The following ENTREP2 variants were observed in gnomAD, a reference collection of about 807,000 sequenced individuals.
The protein encoded by ENTREP2 is protein ENTREP2.
the ENTREP2 span, among the ~76,000 whole-genome samples, chr15:29,337,233 G>A: frequency 6.6e-6 from 1 of 152,166 alleles, no homozygotes; most frequent in Non-Finnish European, 1.5e-5. Flanking sequence ...GGAAAGCATG[G>A]AGCTGAAGAG....
At chr15:29,292,619 G>A in the ENTREP2 span, among the ~76,000 whole-genome samples, 2 of 152,198 alleles carry the variant, frequency 1.3e-5, no homozygotes, top group South Asian at 4.1e-4. Context: ...GACCTCAGGT[G>A]ATCTGCCCTG....
chr15:29,124,281 A>G, the ENTREP2 span, among the ~76,000 whole-genome samples: 1 of 152,244 alleles, frequency 6.6e-6, no homozygotes, highest in South Asian at 2.1e-4. Context: ...AGGGACGCCA[A>G]CAAGGACCAG....
At chr15:29,155,906 G>A in the ENTREP2 span, among the ~76,000 whole-genome samples, 6 of 152,192 alleles carry the variant, frequency 3.9e-5, no homozygotes, top group South Asian at 2.1e-4. Flanking sequence ...TTTTGTTTGC[G>A]TTTTCTAATG....
chr15:29,552,902 G>A, the ENTREP2 span, among the ~76,000 whole-genome samples: 1 of 152,170 alleles, frequency 6.6e-6, no homozygotes. Context: ...ATCTGAACTA[G>A]ATGTGGGCAG....
the ENTREP2 span, among the ~76,000 whole-genome samples, chr15:29,553,271 G>C: frequency 6.6e-6 from 1 of 152,086 alleles, no homozygotes. Context: ...ACTCCAGCCT[G>C]GGCAACAGAG....
At chr15:29,622,291 T>C in the ENTREP2 span, among the ~76,000 whole-genome samples, 1 of 152,122 alleles carries the variant, frequency 6.6e-6, no homozygotes, top group African/African-American at 2.4e-5. Context: ...CTGCAACCTC[T>C]GCCTCCCAGG....
the ENTREP2 span, among the ~76,000 whole-genome samples, chr15:29,448,952 G>T: frequency 0.5 from 76,164 of 152,014 alleles, 20,073 homozygotes; most frequent in South Asian, 0.62. Flanking sequence ...CTCCAACCAG[G>T]GGTCTCTTCC....
At chr15:29,196,693 GTAGTACAGC>G in the ENTREP2 span, 1 of 991,924 alleles carries the variant, frequency 1.0e-6, no homozygotes. Context: ...GTGTGTTTAA[GTAGTACAGC>G]AAAAACAATT....
the ENTREP2 span, among the ~76,000 whole-genome samples, chr15:29,159,166 G>C: frequency 1.3e-5 from 2 of 152,042 alleles, no homozygotes; most frequent in Non-Finnish European, 1.5e-5. Context: ...TGTTCGTTCT[G>C]ATGTGTTTGG....
At chr15:29,616,788 T>G in the ENTREP2 span, among the ~76,000 whole-genome samples, 2 of 152,012 alleles carry the variant, frequency 1.3e-5, no homozygotes, top group Non-Finnish European at 2.9e-5. Context: ...AAGAGGAAAT[T>G]TAGGGGCTGG....
At chr15:29,357,975 C>T in the ENTREP2 span, among the ~76,000 whole-genome samples, 16 of 152,226 alleles carry the variant, frequency 1.1e-4, no homozygotes, top group African/African-American at 2.9e-4. Context: ...ATGAAGAATG[C>T]GGAACACTTG....
chr15:29,164,428 G>A, the ENTREP2 span, among the ~76,000 whole-genome samples: 1 of 152,158 alleles, frequency 6.6e-6, no homozygotes, highest in East Asian at 1.9e-4. Flanking sequence ...CCAACTATCT[G>A]CTGCCTTCAG....
At chr15:29,587,120 G>GCTGT in the ENTREP2 span, among the ~76,000 whole-genome samples, 129,776 of 149,492 alleles carry the variant, frequency 0.87, 56,518 homozygotes, top group East Asian at 1. Context: ...CATGAGATAG[G>GCTGT]CTATCTGTGT....
At chr15:29,400,899 A>G in the ENTREP2 span, among the ~76,000 whole-genome samples, 34,318 of 152,152 alleles carry the variant, frequency 0.23, 4,171 homozygotes, top group Middle Eastern at 0.4. Context: ...ATCCCAGAAT[A>G]AACTTGGCCA....
At chr15:29,141,764 G>A in the ENTREP2 span, among the ~76,000 whole-genome samples, 9 of 152,204 alleles carry the variant, frequency 5.9e-5, no homozygotes, top group Non-Finnish European at 8.8e-5. Context: ...TGTTACTACC[G>A]AAGTTTGCTG....
the ENTREP2 span, among the ~76,000 whole-genome samples, chr15:29,256,646 C>T: frequency 2.8e-4 from 43 of 152,266 alleles, no homozygotes; most frequent in African/African-American, 9.6e-4. Flanking sequence ...TGTGGTTACG[C>T]TACTGATCAG....
the ENTREP2 span, among the ~76,000 whole-genome samples, chr15:29,400,104 AATTAG>A: frequency 5.3e-3 from 805 of 152,344 alleles, 6 homozygotes; most frequent in African/African-American, 0.018. Flanking sequence ...TGACAACCCT[AATTAG>A]TATGTGTGAC....
At chr15:29,233,825 G>T in the ENTREP2 span, 3 of 1,577,784 alleles carry the variant, frequency 1.9e-6, no homozygotes, top group Non-Finnish European at 2.6e-6. Context: ...GTCTGGCGAA[G>T]ATTAAAAAGG....
At chr15:29,194,968 A>G in the ENTREP2 span, 1 of 216,916 alleles carries the variant, frequency 4.6e-6, no homozygotes, top group African/African-American at 2.3e-5. Flanking sequence ...TCAGAATGAG[A>G]TCGCAGAGTG....
Sources: gnomAD v4.1 joint callset for allele counts (sites outside exome capture counted in the v4.1 genomes callset) on GRCh38, gnomAD v4.1.1 for gene constraint, MANE v1.5 for transcripts, NCBI Gene and HGNC (gene_info 2026-07-23, HGNC 2026-07-21) for gene names.